NLGN1: variants seen among roughly 807,000 people sequenced by gnomAD.
NLGN1 encodes the protein neuroligin 1, also known as neuroligin-1.
NLGN1 carries 12 observed loss-of-function variants against 65.5 expected under a neutral mutation model. That is an observed-to-expected ratio of 0.18 (90% CI 0.12 to 0.30). The LOEUF is 0.30. Among genes scored for constraint, NLGN1 ranks in the 10% least tolerant of loss-of-function variants. NLGN1 has a pLI of 1.00. For missense variants in NLGN1, 750 were observed against 1,007.1 expected (o/e 0.74, Z 3.46); for synonymous variants, 350 against 359.5 (o/e 0.97, Z 0.30).
chr3:174,008,037 G>T (rs1724805349), intron 4 of NLGN1, among the ~76,000 whole-genome samples: 1 of 151,824 alleles, frequency 6.6e-6, no homozygotes, highest in Non-Finnish European at 1.5e-5. Flanking sequence ...GGATGTATTT[G>T]CCCTAAGAAT....
chr3:173,709,481 AT>A (rs759848831), intron 3 of NLGN1, among the ~76,000 whole-genome samples: 27 of 152,246 alleles, frequency 1.8e-4, no homozygotes, highest in Non-Finnish European at 3.7e-4. Context: ...CAGTATACAC[AT>A]GTATGTATCT....
chr3:173,963,786 A>G (rs879745264), intron 4 of NLGN1, among the ~76,000 whole-genome samples: 8 of 152,218 alleles, frequency 5.3e-5, no homozygotes, highest in Non-Finnish European at 7.3e-5. Flanking sequence ...TGGCTTGCCA[A>G]TTAGTCAGCT....
chr3:173,408,848 G>C lies in NLGN1; in HGVS notation c.-390+10361G>C, dbSNP rs1346790535. Reference sequence around the variant, plus strand: ...AATGGTGTGAACCCGGGAGGCTGAGGTTGCAGTGAGCCGAGATTGTGCCAC... The same window carrying C: ...AATGGTGTGAACCCGGGAGGCTGAGCTTGCAGTGAGCCGAGATTGTGCCAC... On this transcript the variant is annotated intron_variant, in intron 1 of 6. Transcript: ENST00000457714. Among the ~76,000 whole-genome samples the C allele has an allele frequency of 2.6e-5, 4 of 151,128 alleles. No homozygotes were observed. The South Asian group carries it at 8.4e-4, about 32-fold the overall frequency.
intron 4 of NLGN1, among the ~76,000 whole-genome samples, chr3:174,024,675 C>T (rs1728496575): frequency 6.6e-6 from 1 of 152,052 alleles, no homozygotes; most frequent in African/African-American, 2.4e-5. Flanking sequence ...GTCTTCTATC[C>T]AAAGCATTGA....
intron 2 of NLGN1, among the ~76,000 whole-genome samples, chr3:173,539,749 T>TGCAC (rs1434237594): frequency 1.7e-4 from 24 of 143,184 alleles, no homozygotes; most frequent in East Asian, 4.0e-4. Context: ...TATGTACATA[T>TGCAC]ATAACATATA....
chr3:174,065,488 T>C (rs76535628), intron 4 of NLGN1, among the ~76,000 whole-genome samples: 2,010 of 152,254 alleles, frequency 0.013, 48 homozygotes, highest in African/African-American at 0.046. Context: ...TTTCTTGGTG[T>C]GGAAGAATAA....
At chr3:173,657,173 G>A (rs1370380807) in intron 3 of NLGN1, among the ~76,000 whole-genome samples, 4 of 151,984 alleles carry the variant, frequency 2.6e-5, no homozygotes, top group East Asian at 3.9e-4. Flanking sequence ...CACTCACTAC[G>A]GTATCTAAAA....
chr3:173,521,037 A>G (rs1008255570), intron 2 of NLGN1, among the ~76,000 whole-genome samples: 1 of 152,194 alleles, frequency 6.6e-6, no homozygotes, highest in Non-Finnish European at 1.5e-5. Flanking sequence ...CATTATGGGC[A>G]TTTATCACAG....
intron 4 of NLGN1, among the ~76,000 whole-genome samples, chr3:174,207,266 C>A (rs1448698299): frequency 6.6e-6 from 1 of 151,122 alleles, no homozygotes; most frequent in African/African-American, 2.4e-5. Context: ...AGATAACATG[C>A]TTGGCTGGTG....
chr3:174,267,112 A>C (rs1325842521), intron 4 of NLGN1, among the ~76,000 whole-genome samples: 1 of 152,206 alleles, frequency 6.6e-6, no homozygotes, highest in Non-Finnish European at 1.5e-5. Context: ...TTGACACAGT[A>C]ATTTGCTCAC....
chr3:173,440,148 A>G (rs758640796), intron 2 of NLGN1, among the ~76,000 whole-genome samples: 6 of 152,148 alleles, frequency 3.9e-5, no homozygotes, highest in Non-Finnish European at 8.8e-5. Flanking sequence ...CACAAGATGC[A>G]ACTCCTCATC....
At chr3:174,100,890 C>T (rs913073860) in intron 4 of NLGN1, among the ~76,000 whole-genome samples, 3 of 151,970 alleles carry the variant, frequency 2.0e-5, no homozygotes, top group African/African-American at 7.2e-5. Context: ...CTCCCTTTCA[C>T]TCACAATGGG....
chr3:174,154,947 TATATA>T (rs1331290989), intron 4 of NLGN1, among the ~76,000 whole-genome samples: 23 of 141,428 alleles, frequency 1.6e-4, no homozygotes, highest in Middle Eastern at 7.2e-3. Context: ...TTATATATAA[TATATA>T]ATATAATATA....
At chr3:174,236,083 A>G (rs1561355895) in intron 4 of NLGN1, among the ~76,000 whole-genome samples, 1 of 152,164 alleles carries the variant, frequency 6.6e-6, no homozygotes, top group Non-Finnish European at 1.5e-5. Flanking sequence ...TCCTCAATAA[A>G]TATCAATAAG....
chr3:173,847,347 T>C (rs1166422110), intron 4 of NLGN1, among the ~76,000 whole-genome samples: 2 of 152,164 alleles, frequency 1.3e-5, no homozygotes, highest in Non-Finnish European at 1.5e-5. Flanking sequence ...CAATGCATTT[T>C]TCTCACATCT....
intron 3 of NLGN1, among the ~76,000 whole-genome samples, chr3:173,676,361 C>T (rs893454404): frequency 2.0e-5 from 3 of 152,092 alleles, no homozygotes; most frequent in Non-Finnish European, 4.4e-5. Context: ...GGAACCAGAG[C>T]TCTGCTATAT....
At position 173,767,929 on chromosome 3, in the gene NLGN1, A is replaced by G. The variant is rs6770835; in HGVS notation, c.494-39751A>G. 7.4e-3 allele frequency among the ~76,000 whole-genome samples: 1,133 copies of G among 152,200 alleles called. 6 individuals carry two copies. The highest frequency in any genetic ancestry group is 0.013 in the Admixed American group (194 of 15,290). On this transcript the variant is annotated intron_variant, in intron 3 of 6. Transcript: ENST00000457714. ...GCCTTTGAATAATTACATTTTTGTA[A>G]TTTGAATTATAATTTTTAACAATTT...
intron 4 of NLGN1, among the ~76,000 whole-genome samples, chr3:173,823,940 T>C (rs1343577884): frequency 3.3e-5 from 5 of 152,054 alleles, no homozygotes; most frequent in African/African-American, 4.8e-5. Flanking sequence ...AACAAATCTT[T>C]TTTAATGCTC....
intron 2 of NLGN1, among the ~76,000 whole-genome samples, chr3:173,510,033 C>T: frequency 6.6e-6 from 1 of 152,154 alleles, no homozygotes; most frequent in East Asian, 1.9e-4. Flanking sequence ...TGATAGGAAT[C>T]ACATTTGGCT....
Sources: gnomAD v4.1 joint callset for allele counts (sites outside exome capture counted in the v4.1 genomes callset) on GRCh38, gnomAD v4.1.1 for gene constraint, MANE v1.5 for transcripts, NCBI Gene and HGNC (gene_info 2026-07-23, HGNC 2026-07-21) for gene names.